Variants in CNTN5 observed in about 807,000 individuals in gnomAD.
The protein encoded by CNTN5 is contactin 5, also known as contactin-5.
A neutral mutation model predicts 129.1 loss-of-function variants in CNTN5; 77 were observed. That is an observed-to-expected ratio of 0.60 (90% CI 0.50 to 0.72). CNTN5 has a LOEUF of 0.72. Among genes scored for constraint, CNTN5 ranks in the 30% least tolerant of loss-of-function variants. CNTN5 has a pLI of 0.00. For synonymous variants in CNTN5, 509 were observed against 465.6 expected (o/e 1.09, Z -1.20); for missense variants, 1,478 against 1,328.8 (o/e 1.11, Z -1.75).
intron 1 of CNTN5, among the ~76,000 whole-genome samples, chr11:99,048,067 T>C (rs1565275510): frequency 2.0e-5 from 3 of 152,046 alleles, no homozygotes. Flanking sequence ...CACAGACGTA[T>C]ATACTCTAAA....
At chr11:99,794,130 G>T (rs951598746) in intron 3 of CNTN5, among the ~76,000 whole-genome samples, 1 of 150,996 alleles carries the variant, frequency 6.6e-6, no homozygotes, top group Non-Finnish European at 1.5e-5. Flanking sequence ...GGATAGATAG[G>T]TCTTTTTGTT....
At chr11:99,877,765 CAT>C (rs1314459065) in intron 6 of CNTN5, among the ~76,000 whole-genome samples, 6 of 152,172 alleles carry the variant, frequency 3.9e-5, no homozygotes, top group Non-Finnish European at 7.3e-5. Context: ...GGTTTTCAAT[CAT>C]ATGTTAAGCT....
chr11:100,169,149 C>T (rs1188713033), intron 13 of CNTN5, among the ~76,000 whole-genome samples: 2 of 151,862 alleles, frequency 1.3e-5, no homozygotes, highest in Non-Finnish European at 2.9e-5. Flanking sequence ...ATGCTATGAA[C>T]ACTGATAAAG....
intron 1 of CNTN5, among the ~76,000 whole-genome samples, chr11:99,135,701 C>T (rs748571035): frequency 6.6e-6 from 1 of 152,088 alleles, no homozygotes; most frequent in East Asian, 1.9e-4. Context: ...AAAGTAATTG[C>T]ATTTATTGCT....
intron 7 of CNTN5, among the ~76,000 whole-genome samples, chr11:99,953,209 A>C (rs1950717581): frequency 6.6e-6 from 1 of 152,174 alleles, no homozygotes; most frequent in Non-Finnish European, 1.5e-5. Flanking sequence ...ATCATTGTCC[A>C]CATGTGTACT....
chr11:99,997,699 C>A (rs535113898), intron 8 of CNTN5, among the ~76,000 whole-genome samples: 7 of 152,060 alleles, frequency 4.6e-5, no homozygotes, highest in Admixed American at 2.6e-4. Flanking sequence ...AGAGACACAA[C>A]CAACAAAGAC....
At chr11:100,355,811 C>T (rs1952509529) in intron 24 of CNTN5, among the ~76,000 whole-genome samples, 1 of 151,582 alleles carries the variant, frequency 6.6e-6, no homozygotes, top group African/African-American at 2.4e-5. Flanking sequence ...TATGCACTAT[C>T]AAAATTATTT....
At chr11:99,596,548 G>C (rs1039854022) in intron 3 of CNTN5, among the ~76,000 whole-genome samples, 1 of 152,120 alleles carries the variant, frequency 6.6e-6, no homozygotes, top group African/African-American at 2.4e-5. Context: ...TCATAAAGAA[G>C]TCTGAAGCAA....
intron 13 of CNTN5, among the ~76,000 whole-genome samples, chr11:100,146,571 A>G (rs1371429037): frequency 1.3e-5 from 2 of 152,134 alleles, no homozygotes; most frequent in Non-Finnish European, 2.9e-5. Flanking sequence ...TTAGTGACAA[A>G]TGAAATAAGT....
chr11:99,102,162 A>G (rs940794634), intron 1 of CNTN5, among the ~76,000 whole-genome samples: 6 of 152,128 alleles, frequency 3.9e-5, no homozygotes, highest in Non-Finnish European at 7.4e-5. Context: ...AGTGGCTGGG[A>G]CACAAGGCAC....
intron 7 of CNTN5, among the ~76,000 whole-genome samples, chr11:99,925,039 G>T (rs1950029311): frequency 6.6e-6 from 1 of 152,136 alleles, no homozygotes; most frequent in Non-Finnish European, 1.5e-5. Context: ...TAAATCTCCA[G>T]TTCTTGATAC....
intron 2 of CNTN5, among the ~76,000 whole-genome samples, chr11:99,335,345 A>G (rs1421286102): frequency 6.6e-6 from 1 of 152,130 alleles, no homozygotes; most frequent in Non-Finnish European, 1.5e-5. Flanking sequence ...TTATGAAAAC[A>G]TAAGTTCTCT....
At chr11:99,580,890 C>T (rs1949559178) in intron 3 of CNTN5, among the ~76,000 whole-genome samples, 1 of 142,524 alleles carries the variant, frequency 7.0e-6, no homozygotes, top group African/African-American at 2.6e-5. Flanking sequence ...AATGTGTTTG[C>T]TCTTGCTTCT....
chr11:99,844,793 A>G (rs1565596565), intron 4 of CNTN5, 59 bp from the exon 5 acceptor site: 2 of 1,524,780 alleles, frequency 1.3e-6, no homozygotes, highest in Non-Finnish European at 8.9e-7. Context: ...AAAAGAAAAA[A>G]ACACAAAATA....
At chr11:99,386,388 T>C (rs909969200) in intron 2 of CNTN5, among the ~76,000 whole-genome samples, 3 of 152,242 alleles carry the variant, frequency 2.0e-5, no homozygotes, top group African/African-American at 4.8e-5. Flanking sequence ...TAGTTATTTC[T>C]TGAACATATG....
At chr11:99,520,213 A>C (rs955267095) in intron 2 of CNTN5, among the ~76,000 whole-genome samples, 2 of 152,112 alleles carry the variant, frequency 1.3e-5, no homozygotes, top group African/African-American at 4.8e-5. Context: ...AAATACTCTA[A>C]ATATAAAGTG....
intron 7 of CNTN5, among the ~76,000 whole-genome samples, chr11:99,938,233 C>T (rs1040051276): frequency 6.6e-6 from 1 of 151,956 alleles, no homozygotes; most frequent in Non-Finnish European, 1.5e-5. Flanking sequence ...TAATTACATT[C>T]TAGGATTCTA....
At chr11:99,214,421 C>T (rs1011761522) in intron 1 of CNTN5, among the ~76,000 whole-genome samples, 7 of 145,628 alleles carry the variant, frequency 4.8e-5, no homozygotes, top group Admixed American at 6.8e-5. Flanking sequence ...ATATAATGTT[C>T]TAAAGCAGTA....
intron 1 of CNTN5, among the ~76,000 whole-genome samples, chr11:99,111,173 A>G (rs1373562687): frequency 2.0e-5 from 3 of 152,150 alleles, no homozygotes; most frequent in African/African-American, 4.8e-5. Flanking sequence ...TGAAAGCAGA[A>G]TATTAAAACA....
Sources: gnomAD v4.1 joint callset for allele counts (sites outside exome capture counted in the v4.1 genomes callset) on GRCh38, gnomAD v4.1.1 for gene constraint, MANE v1.5 for transcripts, NCBI Gene and HGNC (gene_info 2026-07-23, HGNC 2026-07-21) for gene names.